Variants in ZMYND15 observed in about 807,000 individuals in gnomAD.
ZMYND15 encodes the protein zinc finger MYND-type containing 15.
A neutral mutation model predicts 81.7 loss-of-function variants in ZMYND15; 54 were observed. The observed-to-expected ratio is 0.66, with a 90% CI of 0.53 to 0.83. ZMYND15 has a LOEUF of 0.83. ZMYND15 is among the 40% of genes least tolerant of loss of function. ZMYND15 has a pLI of 0.00. For synonymous variants in ZMYND15, 399 were observed against 387.0 expected (o/e 1.03, Z -0.36); for missense variants, 925 against 973.5 (o/e 0.95, Z 0.66).
Position 4,745,415 on chromosome 17 carries a change from T to C in ZMYND15, c.2057+40T>C, listed in dbSNP as rs1916620012. The C allele has an allele frequency of 1.3e-6, 2 of 1,555,446 alleles. No individual in the cohort carries two copies. The highest frequency in any genetic ancestry group is 8.7e-7 in the Non-Finnish European group (1 of 1,152,428). On this transcript the variant is annotated intron_variant, in intron 13 of 13. Coordinates refer to ENST00000433935, the MANE Select transcript of ZMYND15 (RefSeq NM_001136046.3). The surrounding 1 kb of genome is among the most constrained non-coding windows in gnomAD (Gnocchi z 5.2). ...CCCTATTTCCTTCCTGACCCTTAAC[T>C]TCTCTTACTCTCTGGCTCCACATCC...
rs772756482 is a variant in ZMYND15 at position 4,743,419 on chromosome 17, C to T, written c.1261C>T (p.Arg421Ter). Reference protein sequence around the residue: ...IPGPGFSRHPRGNTPSLSLLR... With the variant: ...IPGPGFSRHP ...AGGCCCGGGCTTCTCCAGACACCCC[C>T]GAGGCAACACGCCATCCCTCAGCCT... The change falls in exon 6 of 14, where the codon CGA (arginine) becomes TGA (stop). Residue 421 changes from arginine to a stop codon, truncating the protein, a stop_gained. Transcript: ENST00000433935. LOFTEE classifies it high-confidence loss of function. This position sits in a 1 kb window ranked among gnomAD's most constrained non-coding sequence, Gnocchi z 4.3. 26 of 1,613,690 alleles carry T rather than the reference C, an allele frequency of 1.6e-5. No individual in the cohort carries two copies. Among genetic ancestry groups the T allele is most frequent in the Non-Finnish European group, 2.1e-5 (25 of 1,179,804 alleles).
At position 4,743,757 on chromosome 17, in the gene ZMYND15, A is replaced by T. The variant is rs376868908; in HGVS notation, c.1298-10A>T. The T allele has an allele frequency of 4.3e-6, 7 of 1,611,836 alleles. No homozygotes were observed. Among genetic ancestry groups the T allele is most frequent in the Middle Eastern group, 1.7e-4 (1 of 6,040 alleles). On this transcript the variant is annotated splice_polypyrimidine_tract_variant and intron_variant, in intron 6 of 13. Coordinates refer to ENST00000433935, the MANE Select transcript of ZMYND15 (RefSeq NM_001136046.3). The surrounding 1 kb of genome is among the most constrained non-coding windows in gnomAD (Gnocchi z 4.3). Reference sequence around the variant, plus strand: ...CTGACCCCAGGCCCCTCCTTCTTTCATCCTCTCAGGAGACCCCTACCAGCT... The same window carrying T: ...CTGACCCCAGGCCCCTCCTTCTTTCTTCCTCTCAGGAGACCCCTACCAGCT...
chr17:4,741,529 C>A, intron 2 of ZMYND15, 53 bp from the exon 3 acceptor site: 1 of 1,599,364 alleles, frequency 6.3e-7, no homozygotes, highest in South Asian at 1.1e-5. Flanking sequence ...TGACCCTGAC[C>A]ACATTTGTCT....
chr17:4,741,895 T>C lies in ZMYND15; in HGVS notation c.828-20T>C. ...GCACCTCCTCCAGCCTGATGCCATC[T>C]CCCCCCCAACTGCATTTAGAGAGCT... On this transcript the variant is annotated intron_variant, in intron 3 of 13. Coordinates refer to ENST00000433935, the MANE Select transcript of ZMYND15 (RefSeq NM_001136046.3). 2 of 1,608,892 alleles carry C rather than the reference T, an allele frequency of 1.2e-6. No homozygotes were observed. Among genetic ancestry groups the C allele is most frequent in the Non-Finnish European group, 8.5e-7 (1 of 1,176,304 alleles).
chr17:4,740,463 C>T, intron 1 of ZMYND15, 56 bp from the exon 2 acceptor site: 1 of 1,459,876 alleles, frequency 6.8e-7, no homozygotes, highest in Non-Finnish European at 9.1e-7. Flanking sequence ...GTGACCCAGC[C>T]CCAAACTCCA....
rs775155853 is a variant in ZMYND15, at chr17:4,743,742, GC to G, written c.1298-21del. 22 of 1,606,524 alleles carry G rather than the reference GC, an allele frequency of 1.4e-5. No individual in the cohort carries two copies. The highest frequency in any genetic ancestry group is 1.1e-5 in the South Asian group (1 of 90,302). On this transcript the variant is annotated intron_variant, in intron 6 of 13. Coordinates refer to ENST00000433935, the MANE Select transcript of ZMYND15 (RefSeq NM_001136046.3). The surrounding 1 kb of genome is among the most constrained non-coding windows in gnomAD (Gnocchi z 4.3). Reference sequence around the variant, plus strand: ...CAGGTGGGGGTCTCCCTGACCCCAGGCCCCTCCTTCTTTCATCCTCTCAGGA... The same window carrying G: ...CAGGTGGGGGTCTCCCTGACCCCAGGCCCTCCTTCTTTCATCCTCTCAGGA...
In ZMYND15 at chr17:4,741,063, G is replaced by T; in HGVS notation, c.515G>T (p.Gly172Val). Residue 172 changes from glycine to valine, a missense_variant, in exon 2 of 14, where the codon GGA becomes GTA. Coordinates refer to ENST00000433935, the MANE Select transcript of ZMYND15 (RefSeq NM_001136046.3). ...TCAGAGGAGGCTGCCCGGGAGGCAG[G>T]AGGTGGCAAGGATGGCTGCCGAGAG... The part of the protein sequence containing the change: ...GESEEAAREA[G>V]GGKDGCREDR... 1.3e-6 allele frequency: 2 copies of T among 1,548,036 alleles called. No homozygotes were observed. The highest frequency in any genetic ancestry group is 1.7e-6 in the Non-Finnish European group (2 of 1,144,870).
chr17:4,743,990 G>A lies in ZMYND15; in HGVS notation c.1379-1G>A, dbSNP rs1018951674. 2 of 1,553,744 alleles carry A rather than the reference G, an allele frequency of 1.3e-6. No homozygotes were observed. The stretch of plus-strand genomic sequence containing the variant: ...GTCCTCTAGCAACCCTCTCCTGCCA[G>A]GCTCATGGCAGGATTACTACACATG... On this transcript the variant is annotated splice_acceptor_variant, in intron 7 of 13. Coordinates refer to ENST00000433935, the MANE Select transcript of ZMYND15 (RefSeq NM_001136046.3). LOFTEE classifies it high-confidence loss of function. The surrounding 1 kb of genome is among the most constrained non-coding windows in gnomAD (Gnocchi z 4.3).
chr17:4,744,433 C>A lies in ZMYND15; in HGVS notation c.1649C>A (p.Pro550His). ...ELQFVGDGLP[P>H]ESDEQHFTLQ... Reference sequence around the variant, plus strand: ...CAGTTTGTAGGTGATGGCCTGCCCCCCGAAAGCGACGAGCAGCATTTTACC... The same window carrying A: ...CAGTTTGTAGGTGATGGCCTGCCCCACGAAAGCGACGAGCAGCATTTTACC... The change falls in exon 10 of 14, where the codon CCC (proline) becomes CAC (histidine). Residue 550 changes from proline to histidine, a missense_variant. By Grantham distance (77) the Pro-to-His change is moderately conservative. Coordinates refer to ENST00000433935, the MANE Select transcript of ZMYND15 (RefSeq NM_001136046.3). The surrounding 1 kb of genome is among the most constrained non-coding windows in gnomAD (Gnocchi z 4.1). The A allele has an allele frequency of 6.2e-7, 1 of 1,614,136 alleles. No homozygotes were observed. Among genetic ancestry groups the A allele is most frequent in the Non-Finnish European group, 8.5e-7 (1 of 1,180,012 alleles).
Position 4,744,056 on chromosome 17 carries a change from A to G in ZMYND15, c.1444A>G (p.Thr482Ala). ...SLDSPIAVLL[T>A]YPLTVYYVIT... is the part of the protein sequence containing the mutation. ...GGACTCCCCCATAGCCGTGCTTCTC[A>G]CCTACCCGCTGACCGTGTACTACGT... is the stretch of plus-strand genomic sequence containing the variant. The change falls in exon 8 of 14, where the codon ACC becomes GCC. Residue 482 changes from threonine to alanine, a missense_variant. Coordinates refer to ENST00000433935, the MANE Select transcript of ZMYND15 (RefSeq NM_001136046.3). The surrounding 1 kb of genome is among the most constrained non-coding windows in gnomAD (Gnocchi z 4.1). 6.4e-7 allele frequency: 1 copy of G among 1,557,532 alleles called. No homozygotes were observed. The highest frequency in any genetic ancestry group is 8.7e-7 in the Non-Finnish European group (1 of 1,150,016).
At position 4,743,596 on chromosome 17, in the gene ZMYND15, C is replaced by G; in HGVS notation, c.1297+141C>G. On this transcript the variant is annotated intron_variant, in intron 6 of 13. Coordinates refer to ENST00000433935, the MANE Select transcript of ZMYND15 (RefSeq NM_001136046.3). This position sits in a 1 kb window ranked among gnomAD's most constrained non-coding sequence, Gnocchi z 4.3. ...AGGGCCATTTCAGGCCTTTCCCAGC[C>G]CTCAATGGAATCACCCCTACCAACT... 2.9e-6 allele frequency: 4 copies of G among 1,367,056 alleles called. No individual in the cohort carries two copies. Among genetic ancestry groups the G allele is most frequent in the Non-Finnish European group, 4.0e-6 (4 of 1,007,678 alleles). The allele number at this position is 1,367,056 out of a possible 1,614,324, so 84.7% of individuals were successfully genotyped here.
Position 4,745,483 on chromosome 17 carries a change from C to A in ZMYND15, c.2057+108C>A. The A allele has an allele frequency of 7.3e-7, 1 of 1,361,820 alleles. No individual in the cohort carries two copies. Among genetic ancestry groups the A allele is most frequent in the Non-Finnish European group, 9.9e-7 (1 of 1,005,578 alleles). The allele number at this position is 1,361,820 out of a possible 1,614,324, so 84.4% of individuals were successfully genotyped here. The stretch of plus-strand genomic sequence containing the variant: ...CCCTAGTCCCTGCTGTCCTGGGGCC[C>A]TCCTGCCCCCAGCCCAGCAACCTGC... On this transcript the variant is annotated intron_variant, in intron 13 of 13. Coordinates refer to ENST00000433935, the MANE Select transcript of ZMYND15 (RefSeq NM_001136046.3). The surrounding 1 kb of genome is among the most constrained non-coding windows in gnomAD (Gnocchi z 5.2).
intron 1 of ZMYND15, 158 bp downstream of exon 1, chr17:4,740,208 C>T: frequency 1.9e-6 from 1 of 519,470 alleles, no homozygotes; most frequent in Non-Finnish European, 2.5e-6. Flanking sequence ...TAGGATTAGC[C>T]CTCTCTCCTC....
At position 4,743,994 on chromosome 17, in the gene ZMYND15, C is replaced by G. The variant is rs1402815614; in HGVS notation, c.1382C>G (p.Ser461Ter). 1 of 1,553,838 alleles carries G rather than the reference C, an allele frequency of 6.4e-7. No individual in the cohort carries two copies. The change falls in exon 8 of 14, where the codon TCA becomes TGA. Residue 461 changes from serine (S) to a stop codon, truncating the protein, a stop_gained. Transcript: ENST00000433935. LOFTEE classifies it high-confidence loss of function. The surrounding 1 kb of genome is among the most constrained non-coding windows in gnomAD (Gnocchi z 4.3). ...TCTAGCAACCCTCTCCTGCCAGGCT[C>G]ATGGCAGGATTACTACACATGGCGG... ...PPHPPRGVFG[S>*]WQDYYTWRGL...
chr17:4,745,496 C>A lies in ZMYND15; in HGVS notation c.2057+121C>A. On this transcript the variant is annotated intron_variant, in intron 13 of 13. Coordinates refer to ENST00000433935, the MANE Select transcript of ZMYND15 (RefSeq NM_001136046.3). The surrounding 1 kb of genome is among the most constrained non-coding windows in gnomAD (Gnocchi z 5.2). ...TGTCCTGGGGCCCTCCTGCCCCCAG[C>A]CCAGCAACCTGCCTTCTCTGTCCCC... is the stretch of plus-strand genomic sequence containing the variant. The A allele has an allele frequency of 8.2e-7, 1 of 1,223,068 alleles. No homozygotes were observed. The highest frequency in any genetic ancestry group is 1.1e-6 in the Non-Finnish European group (1 of 885,284). The allele number at this position is 1,223,068 out of a possible 1,614,324, so 75.8% of individuals were successfully genotyped here.
intron 2 of ZMYND15, 82 bp downstream of exon 2, chr17:4,741,222 G>T: frequency 7.3e-7 from 1 of 1,365,838 alleles, no homozygotes; most frequent in Non-Finnish European, 9.5e-7. Context: ...CTAGTTCTGA[G>T]TGCTGGCCTT....
chr17:4,745,945 C>T lies in ZMYND15; in HGVS notation c.2184C>T (p.Arg728=), dbSNP rs1291612276. The T allele has an allele frequency of 2.0e-6, 3 of 1,472,606 alleles. No homozygotes were observed. Among genetic ancestry groups the T allele is most frequent in the Non-Finnish European group, 2.7e-6 (3 of 1,116,536 alleles). The allele number at this position is 1,472,606 out of a possible 1,614,324, so 91.2% of individuals were successfully genotyped here. A position where few individuals can be genotyped will look rare whatever the true frequency, so the allele number is the denominator to read the frequency against. ...CTCCTCCTGCCCCCACCCGAAGGCGCCGAGGAGAAAAGAAACCTGGGCGGG... is the reference window on the plus strand; with the variant it reads ...CTCCTCCTGCCCCCACCCGAAGGCGTCGAGGAGAAAAGAAACCTGGGCGGG... ...PSAPPAPTRR[R]RGEKKPGRGA... is the part of the protein sequence containing the mutation. Residue 728 remains arginine, a synonymous_variant, in exon 14 of 14, where the codon CGC becomes CGT. Coordinates refer to ENST00000433935, the MANE Select transcript of ZMYND15 (RefSeq NM_001136046.3). The surrounding 1 kb of genome is among the most constrained non-coding windows in gnomAD (Gnocchi z 5.2).
rs1003050827 is a variant in ZMYND15 at position 4,745,720 on chromosome 17, CT to C, written c.2058-98del. The C allele has an allele frequency of 5.4e-5, 48 of 883,674 alleles. No individual in the cohort carries two copies. In the African/African-American group the frequency reaches 7.9e-4, roughly 15 times the overall value. The allele number at this position is 883,674 out of a possible 1,614,324, so 54.7% of individuals were successfully genotyped here. A position where few individuals can be genotyped will look rare whatever the true frequency, so the allele number is the denominator to read the frequency against. On this transcript the variant is annotated intron_variant, in intron 13 of 13. Transcript: ENST00000433935. This position sits in a 1 kb window ranked among gnomAD's most constrained non-coding sequence, Gnocchi z 5.2. The stretch of plus-strand genomic sequence containing the variant: ...TGACCGCCCGGTGGAGCCCCGCCCC[CT>C]GGTCCCTGACCGCGCCCCTGGGAGC...
At position 4,745,466 on chromosome 17, in the gene ZMYND15, C is replaced by T; in HGVS notation, c.2057+91C>T. ...TCGAAGGCCCACCTCTACCCTAGTC[C>T]CTGCTGTCCTGGGGCCCTCCTGCCC... On this transcript the variant is annotated intron_variant, in intron 13 of 13. Coordinates refer to ENST00000433935, the MANE Select transcript of ZMYND15 (RefSeq NM_001136046.3). The surrounding 1 kb of genome is among the most constrained non-coding windows in gnomAD (Gnocchi z 5.2). The T allele has an allele frequency of 6.8e-7, 1 of 1,466,756 alleles. No homozygotes were observed. Among genetic ancestry groups the T allele is most frequent in the Non-Finnish European group, 9.2e-7 (1 of 1,092,514 alleles). 90.9% of individuals were successfully genotyped at this position (1,466,756 alleles called of 1,614,324 possible).
Sources: gnomAD v4.1 joint callset for allele counts on GRCh38, gnomAD v4.1.1 for gene constraint, Gnocchi (gnomAD v3.1) non-coding constraint, MANE v1.5 for transcripts, NCBI Gene and HGNC (gene_info 2026-07-23, HGNC 2026-07-21) for gene names.